The following RUNDC3B variants were observed in gnomAD, a reference collection of about 807,000 sequenced individuals.
RUNDC3B encodes the protein RUN domain containing 3B.
A neutral mutation model predicts 58.4 loss-of-function variants in RUNDC3B; 33 were observed. The observed-to-expected ratio is 0.56, with a 90% CI of 0.43 to 0.75. RUNDC3B has a LOEUF of 0.75. Ranked by LOEUF, RUNDC3B falls within the 30% of genes least tolerant of loss-of-function variation. RUNDC3B has a pLI of 0.00. For synonymous variants in RUNDC3B, 193 were observed against 195.2 expected, an observed-to-expected ratio of 0.99 and a Z score of 0.10; for missense variants, 501 against 535.7, an observed-to-expected ratio of 0.94 and a Z score of 0.64.
At chr7:87,728,340 T>A (rs1359979379) in intron 4 of RUNDC3B, among the ~76,000 whole-genome samples, 1 of 152,218 alleles carries the variant, frequency 6.6e-6, no homozygotes, top group African/African-American at 2.4e-5. Flanking sequence ...TTTTTCAGAT[T>A]CTTCGGATGT....
intron 4 of RUNDC3B, among the ~76,000 whole-genome samples, chr7:87,735,376 G>A (rs1401253407): frequency 6.6e-6 from 1 of 152,054 alleles, no homozygotes; most frequent in African/African-American, 2.4e-5. Context: ...CTTCCAGTTT[G>A]CCCCCTTTCA....
chr7:87,779,581 G>A (rs1300176952), intron 8 of RUNDC3B, among the ~76,000 whole-genome samples: 1 of 152,002 alleles, frequency 6.6e-6, no homozygotes, highest in African/African-American at 2.4e-5. Context: ...TGTTCCTTCT[G>A]TTCCTTATAA....
At chr7:87,696,876 C>T (rs1828536334) in intron 2 of RUNDC3B, among the ~76,000 whole-genome samples, 1 of 152,084 alleles carries the variant, frequency 6.6e-6, no homozygotes. Flanking sequence ...GGATAGTGTG[C>T]CCTACCTATA....
chr7:87,672,452 G>T (rs1310063308), intron 2 of RUNDC3B, among the ~76,000 whole-genome samples: 1 of 152,126 alleles, frequency 6.6e-6, no homozygotes, highest in Non-Finnish European at 1.5e-5. Context: ...AGAATTCCAA[G>T]CCAGTGGGTC....
intron 6 of RUNDC3B, among the ~76,000 whole-genome samples, chr7:87,748,139 G>A (rs963509009): frequency 4.6e-5 from 7 of 152,142 alleles, no homozygotes; most frequent in African/African-American, 1.7e-4. Context: ...GGCACCCAGC[G>A]AGCTCCCAGG....
At chr7:87,682,388 A>G (rs1266948864) in intron 2 of RUNDC3B, among the ~76,000 whole-genome samples, 1 of 152,162 alleles carries the variant, frequency 6.6e-6, no homozygotes, top group Non-Finnish European at 1.5e-5. Flanking sequence ...AAGATTTTCA[A>G]TTTACTTTGC....
At chr7:87,743,565 T>G (rs1457736090) in intron 6 of RUNDC3B, among the ~76,000 whole-genome samples, 2 of 152,214 alleles carry the variant, frequency 1.3e-5, no homozygotes, top group African/African-American at 4.8e-5. Flanking sequence ...TGCTGATCAT[T>G]AGTGATGTTG....
intron 8 of RUNDC3B, among the ~76,000 whole-genome samples, chr7:87,785,677 G>A (rs763321531): frequency 6.6e-6 from 1 of 152,160 alleles, no homozygotes; most frequent in Non-Finnish European, 1.5e-5. Context: ...CCATGAGAAA[G>A]GGAGCACTAC....
intron 10 of RUNDC3B, among the ~76,000 whole-genome samples, chr7:87,823,604 T>C (rs1215463250): frequency 2.0e-5 from 3 of 152,054 alleles, no homozygotes; most frequent in Admixed American, 6.6e-5. Context: ...CAAACTCCTT[T>C]GTCTCTTTCT....
intron 4 of RUNDC3B, among the ~76,000 whole-genome samples, chr7:87,718,852 G>A (rs1320500230): frequency 6.6e-6 from 1 of 152,032 alleles, no homozygotes; most frequent in Admixed American, 6.6e-5. Flanking sequence ...AATAGTAGAG[G>A]TTAGCCAATT....
intron 2 of RUNDC3B, among the ~76,000 whole-genome samples, chr7:87,687,656 A>G (rs1415581070): frequency 2.6e-5 from 4 of 152,058 alleles, no homozygotes; most frequent in Admixed American, 2.6e-4. Flanking sequence ...GAAGAGTAAT[A>G]ATTTCTTTAT....
At chr7:87,663,199 G>A (rs78413330) in intron 2 of RUNDC3B, among the ~76,000 whole-genome samples, 7,324 of 152,040 alleles carry the variant, frequency 0.048, 261 homozygotes, top group East Asian at 0.09. Context: ...AGGATAATTT[G>A]ACTTTTTCCT....
chr7:87,701,469 T>A (rs890758463), intron 3 of RUNDC3B, among the ~76,000 whole-genome samples: 3 of 152,248 alleles, frequency 2.0e-5, no homozygotes, highest in Non-Finnish European at 4.4e-5. Flanking sequence ...AATTATTTAA[T>A]GAAATGTGTC....
intron 2 of RUNDC3B, among the ~76,000 whole-genome samples, chr7:87,690,898 A>G (rs940969990): frequency 3.4e-4 from 51 of 152,124 alleles, no homozygotes; most frequent in African/African-American, 1.2e-3. Flanking sequence ...ATATAAAGGT[A>G]TCTACCTGCA....
intron 10 of RUNDC3B, among the ~76,000 whole-genome samples, chr7:87,826,908 G>A (rs185957916): frequency 6.6e-6 from 1 of 152,248 alleles, no homozygotes; most frequent in Admixed American, 6.5e-5. Context: ...CATTAGATTT[G>A]TCTAGTTGTA....
At chr7:87,635,261 C>A (rs1295743587) in intron 1 of RUNDC3B, among the ~76,000 whole-genome samples, 1 of 152,046 alleles carries the variant, frequency 6.6e-6, no homozygotes, top group African/African-American at 2.4e-5. Flanking sequence ...CTGCTTTTAC[C>A]CAGTTGTATA....
At chr7:87,715,191 A>G (rs1583981905) in intron 4 of RUNDC3B, among the ~76,000 whole-genome samples, 1 of 139,788 alleles carries the variant, frequency 7.2e-6, no homozygotes, top group East Asian at 2.0e-4. Context: ...TATAAATATT[A>G]TATATATAAT....
At chr7:87,828,616 G>T (rs1222543554) in intron 10 of RUNDC3B, among the ~76,000 whole-genome samples, 1 of 151,704 alleles carries the variant, frequency 6.6e-6, no homozygotes, top group Non-Finnish European at 1.5e-5. Context: ...TCTTTATCCA[G>T]TCCACTGCTG....
At chr7:87,770,533 A>C (rs1834220199) in intron 6 of RUNDC3B, 48 bp from the exon 7 acceptor site, 1 of 1,452,554 alleles carries the variant, frequency 6.9e-7, no homozygotes. Context: ...TTTAAGAATC[A>C]AGTTGGAACA....
Sources: allele counts gnomAD v4.1 joint callset (sites outside exome capture counted in the v4.1 genomes callset), GRCh38; gene constraint gnomAD v4.1.1; transcripts MANE v1.5; gene names NCBI Gene and HGNC (gene_info 2026-07-23, HGNC 2026-07-21).